Variants in FHIT observed in about 807,000 individuals in gnomAD.
FHIT encodes the protein fragile histidine triad diadenosine triphosphatase.
A neutral mutation model predicts 17.9 loss-of-function variants in FHIT; 19 were observed. The observed-to-expected ratio is 1.06, with a 90% confidence interval of 0.74 to 1.56. The LOEUF (loss-of-function observed/expected upper bound fraction) is 1.56, where lower values mean the gene tolerates loss of function less well. Ranked by LOEUF, FHIT falls within the 40% of genes most tolerant of loss-of-function variation. The pLI, the probability that FHIT is intolerant of heterozygous loss-of-function variation, is 0.00. For missense variants in FHIT, 248 were observed against 189.2 expected, an observed-to-expected ratio of 1.31 and a Z score of -1.82; for synonymous variants, 81 against 69.7, an observed-to-expected ratio of 1.16 and a Z score of -0.81.
At chr3:59,786,543 G>A (rs1699307032) in intron 8 of FHIT, among the ~76,000 whole-genome samples, 1 of 152,192 alleles carries the variant, frequency 6.6e-6, no homozygotes, top group African/African-American at 2.4e-5. Flanking sequence ...AAATACTACG[G>A]TAATGTGGAA....
chr3:61,080,638 A>C (rs73839213), intron 2 of FHIT, among the ~76,000 whole-genome samples: 6,112 of 152,250 alleles, frequency 0.04, 219 homozygotes, highest in African/African-American at 0.092. Context: ...GACTAACTGC[A>C]AATAGAATTT....
intron 5 of FHIT, among the ~76,000 whole-genome samples, chr3:60,035,099 T>A (rs1049515912): frequency 1.3e-5 from 2 of 152,230 alleles, no homozygotes; most frequent in East Asian, 3.9e-4. Context: ...TCAAGCCATC[T>A]GCTTATGACG....
intron 5 of FHIT, among the ~76,000 whole-genome samples, chr3:60,209,520 C>T (rs1703353240): frequency 6.6e-6 from 1 of 152,122 alleles, no homozygotes; most frequent in South Asian, 2.1e-4. Flanking sequence ...GACAATCCAC[C>T]CATCTTCCAG....
rs10540921 is a variant in FHIT, at chr3:60,140,575, A to AT, written c.104-126424dup. 6.0e-3 allele frequency among the ~76,000 whole-genome samples: 779 copies of AT among 128,984 alleles called. 6 individuals are homozygous for AT. The highest frequency in any genetic ancestry group is 0.027 in the South Asian group (103 of 3,848). The allele number at this position is 128,984 out of a possible 152,430, so 84.6% of individuals were successfully genotyped here. ...CCATGGAGGGAAAGACACAGACTCT[A>AT]TTTTTTTTTTTTTTTTTTTTGAGAC... On this transcript the variant is annotated intron_variant, in intron 5 of 9. Transcript: ENST00000492590.
chr3:60,460,938 G>A (rs955285766), intron 5 of FHIT, among the ~76,000 whole-genome samples: 1 of 152,136 alleles, frequency 6.6e-6, no homozygotes, highest in Non-Finnish European at 1.5e-5. Flanking sequence ...TTAGTCATCA[G>A]TCCCAAACTT....
intron 5 of FHIT, among the ~76,000 whole-genome samples, chr3:60,179,723 C>G (rs960633504): frequency 1.3e-5 from 2 of 151,960 alleles, no homozygotes; most frequent in Non-Finnish European, 2.9e-5. Flanking sequence ...TTAAGAAATC[C>G]AAGGTCATGA....
In FHIT at chr3:60,570,965, T is replaced by C. The variant is rs139716477; in HGVS notation, c.-17-33986A>G. Among the ~76,000 whole-genome samples the C allele has an allele frequency of 7.5e-3, 1,139 of 152,084 alleles. 7 individuals are homozygous for C. Among genetic ancestry groups the C allele is most frequent in the African/African-American group, 0.025 (1,049 of 41,504 alleles). ...CAATTTTACTCTATAAGGGACATTG[T>C]AAGAGCAAAGCTTGGGGTACTTAAT... On this transcript the variant is annotated intron_variant, in intron 4 of 9. Coordinates refer to ENST00000492590, the MANE Select transcript of FHIT (RefSeq NM_002012.4).
At chr3:60,328,630 AC>A (rs2106840992) in intron 5 of FHIT, among the ~76,000 whole-genome samples, 1 of 152,176 alleles carries the variant, frequency 6.6e-6, no homozygotes, top group Non-Finnish European at 1.5e-5. Flanking sequence ...TTTGGGGGGG[AC>A]ACAGCCAAAC....
At chr3:60,868,716 C>A (rs1367019974) in intron 3 of FHIT, among the ~76,000 whole-genome samples, 7 of 152,130 alleles carry the variant, frequency 4.6e-5, no homozygotes, top group African/African-American at 1.7e-4. Context: ...CCGACATTAA[C>A]TCCCCTGTTA....
chr3:60,395,845 A>G (rs566199138), intron 5 of FHIT, among the ~76,000 whole-genome samples: 101 of 152,286 alleles, frequency 6.6e-4, no homozygotes, highest in African/African-American at 2.2e-3. Flanking sequence ...GCAATTATCA[A>G]TTGCCATTTT....
intron 5 of FHIT, among the ~76,000 whole-genome samples, chr3:60,462,592 A>T (rs567939966): frequency 5.3e-5 from 8 of 152,312 alleles, no homozygotes; most frequent in Middle Eastern, 3.4e-3. Flanking sequence ...AGGAGGGAAG[A>T]GCATCGAGGT....
At chr3:61,245,614 A>G (rs184294932) in intron 1 of FHIT, among the ~76,000 whole-genome samples, 3 of 152,334 alleles carry the variant, frequency 2.0e-5, no homozygotes, top group Admixed American at 2.0e-4. Flanking sequence ...AAGCACAAAC[A>G]TACATGCTTA....
chr3:60,270,786 A>T (rs371425321), intron 5 of FHIT, among the ~76,000 whole-genome samples: 1 of 152,310 alleles, frequency 6.6e-6, no homozygotes, highest in African/African-American at 2.4e-5. Context: ...TAATGGCAAA[A>T]AGAGAAAGAA....
At chr3:61,037,036 C>G (rs193130835) in intron 3 of FHIT, among the ~76,000 whole-genome samples, 1 of 151,910 alleles carries the variant, frequency 6.6e-6, no homozygotes, top group East Asian at 1.9e-4. Flanking sequence ...CTCAGCCTCT[C>G]GAGTACTTGG....
At chr3:60,977,082 GA>G (rs1184400300) in intron 3 of FHIT, among the ~76,000 whole-genome samples, 1 of 152,124 alleles carries the variant, frequency 6.6e-6, no homozygotes, top group Non-Finnish European at 1.5e-5. Context: ...CACATTTACT[GA>G]ATTACTGTTG....
intron 4 of FHIT, among the ~76,000 whole-genome samples, chr3:60,727,839 TA>T (rs1489092628): frequency 2.0e-5 from 3 of 151,838 alleles, no homozygotes; most frequent in East Asian, 1.9e-4. Context: ...CCATCTCTAC[TA>T]AAAAATACAA....
At chr3:60,460,433 G>A (rs2032390337) in intron 5 of FHIT, among the ~76,000 whole-genome samples, 1 of 151,656 alleles carries the variant, frequency 6.6e-6, no homozygotes, top group Admixed American at 6.6e-5. Flanking sequence ...AAAGAACCAT[G>A]AGGAAACATC....
intron 3 of FHIT, among the ~76,000 whole-genome samples, chr3:60,943,663 A>G (rs1252766959): frequency 6.6e-6 from 1 of 152,166 alleles, no homozygotes; most frequent in Non-Finnish European, 1.5e-5. Flanking sequence ...ACAGCTTCCT[A>G]AAAGTCAGTA....
intron 5 of FHIT, among the ~76,000 whole-genome samples, chr3:60,485,662 G>A (rs77721645): frequency 0.053 from 8,040 of 151,762 alleles, 253 homozygotes; most frequent in Middle Eastern, 0.099. Context: ...GGGGTGGGGG[G>A]CAAGGGGAGG....
Sources: allele counts gnomAD v4.1 joint callset (sites outside exome capture counted in the v4.1 genomes callset), GRCh38; gene constraint gnomAD v4.1.1; transcripts MANE v1.5; gene names NCBI Gene and HGNC (gene_info 2026-07-23, HGNC 2026-07-21).